Variants in GABRB1 observed in about 807,000 individuals in gnomAD.
GABRB1 encodes the protein gamma-aminobutyric acid receptor subunit beta-1.
A neutral mutation model predicts 51.6 loss-of-function variants in GABRB1; 17 were observed. The observed-to-expected ratio is 0.33, with a 90% CI of 0.23 to 0.49. The LOEUF is 0.49. Among genes scored for constraint, GABRB1 ranks in the 20% least tolerant of loss-of-function variants. The pLI is 0.99. For missense variants in GABRB1, 410 were observed against 600.6 expected (o/e 0.68, Z 3.32); for synonymous variants, 247 against 218.9 (o/e 1.13, Z -1.14).
intron 4 of GABRB1, among the ~76,000 whole-genome samples, chr4:47,207,976 G>A (rs1310042391): frequency 1.3e-5 from 2 of 151,918 alleles, no homozygotes; most frequent in African/African-American, 2.4e-5. Context: ...GTAAATCCAC[G>A]GATACACTTA....
At chr4:47,170,640 T>G (rs1307460116) in intron 4 of GABRB1, among the ~76,000 whole-genome samples, 1 of 152,170 alleles carries the variant, frequency 6.6e-6, no homozygotes, top group Non-Finnish European at 1.5e-5. Flanking sequence ...TGCGGTTGAT[T>G]GCAGGAAATA....
rs1001774991 is a variant in GABRB1 at position 47,269,462 on chromosome 4, A to G, written c.462-50665A>G. The stretch of plus-strand genomic sequence containing the variant: ...TTAGTCAAATTAATTCTGTAAAATC[A>G]TTTCACTTAGTTGCATCCAGTGATA... On this transcript the variant is annotated intron_variant, in intron 4 of 8. Coordinates refer to ENST00000295454, the MANE Select transcript of GABRB1 (RefSeq NM_000812.4). Among the ~76,000 whole-genome samples the G allele has an allele frequency of 2.6e-5, 4 of 152,060 alleles. No homozygotes were observed. The South Asian group carries it at 8.3e-4, about 31-fold the overall frequency.
rs62303734 is a variant in GABRB1, at chr4:46,995,507, T to G, written c.-20+1581T>G. 3.1e-3 allele frequency among the ~76,000 whole-genome samples: 476 copies of G among 152,226 alleles called. 1 individual carries two copies. The highest frequency in any genetic ancestry group is 6.0e-3 in the Non-Finnish European group (406 of 68,012). On this transcript the variant is annotated intron_variant, in intron 1 of 3. Coordinates refer to the GABRB1 transcript ENST00000513567. ...CTAAGTAGTTGGAAGTACAGGTATGTGTCACCATGCTCTGTTAATATATTT... is the reference window on the plus strand; with the variant it reads ...CTAAGTAGTTGGAAGTACAGGTATGGGTCACCATGCTCTGTTAATATATTT...
intron 5 of GABRB1, among the ~76,000 whole-genome samples, chr4:47,393,736 T>C (rs1728086340): frequency 6.6e-6 from 1 of 152,226 alleles, no homozygotes; most frequent in Non-Finnish European, 1.5e-5. Context: ...GCAGGCCTGC[T>C]CTACCCATCT....
intron 5 of GABRB1, among the ~76,000 whole-genome samples, chr4:47,400,424 T>C (rs1728335977): frequency 6.6e-6 from 1 of 152,172 alleles, no homozygotes; most frequent in Admixed American, 6.5e-5. Context: ...TTTTCTTGCA[T>C]ATTCTTTGGG....
At chr4:47,175,156 CTTCT>C (rs1271414341) in intron 4 of GABRB1, among the ~76,000 whole-genome samples, 1 of 144,298 alleles carries the variant, frequency 6.9e-6, no homozygotes, top group Non-Finnish European at 1.5e-5. Context: ...TCTCTCTTTT[CTTCT>C]TTCTTTATCT....
intron 8 of GABRB1, among the ~76,000 whole-genome samples, chr4:47,410,209 T>C (rs1728714135): frequency 6.6e-6 from 1 of 152,200 alleles, no homozygotes; most frequent in African/African-American, 2.4e-5. Context: ...GACTACGAAC[T>C]CCACAAATGA....
At chr4:47,402,873 G>A (rs924150097) in intron 5 of GABRB1, among the ~76,000 whole-genome samples, 14 of 152,018 alleles carry the variant, frequency 9.2e-5, no homozygotes, top group Non-Finnish European at 1.9e-4. Context: ...TATAAACTTG[G>A]TCTTTCATTA....
At chr4:47,016,110 T>G (rs1366170775) in intron 1 of GABRB1, among the ~76,000 whole-genome samples, 1 of 152,188 alleles carries the variant, frequency 6.6e-6, no homozygotes, top group Non-Finnish European at 1.5e-5. Context: ...ATATCAGTGC[T>G]AATTAAACAC....
At chr4:47,228,273 G>A (rs917826124) in intron 4 of GABRB1, among the ~76,000 whole-genome samples, 1 of 152,108 alleles carries the variant, frequency 6.6e-6, no homozygotes, top group African/African-American at 2.4e-5. Flanking sequence ...CTCCAGCTAT[G>A]AATCTGTGAA....
chr4:47,305,752 T>G (rs1001293295), intron 4 of GABRB1, among the ~76,000 whole-genome samples: 3 of 152,188 alleles, frequency 2.0e-5, no homozygotes, highest in Non-Finnish European at 4.4e-5. Context: ...CACCCAGTAT[T>G]AAATACCAAT....
intron 3 of GABRB1, among the ~76,000 whole-genome samples, chr4:47,130,347 G>C (rs1441235506): frequency 7.0e-6 from 1 of 143,520 alleles, no homozygotes; most frequent in African/African-American, 2.5e-5. Context: ...GTGTGTGTGT[G>C]TGTGTGTGTG....
chr4:47,249,721 G>T (rs1721908613), intron 4 of GABRB1, among the ~76,000 whole-genome samples: 1 of 152,074 alleles, frequency 6.6e-6, no homozygotes, highest in African/African-American at 2.4e-5. Flanking sequence ...TTAAAAGTTT[G>T]TTTTGTCTGA....
intron 4 of GABRB1, among the ~76,000 whole-genome samples, chr4:47,217,032 G>C (rs1051577048): frequency 1.3e-5 from 2 of 151,786 alleles, no homozygotes; most frequent in African/African-American, 2.4e-5. Flanking sequence ...AAATAAGCTA[G>C]ATCTATGTGC....
At chr4:47,211,221 A>G (rs951383864) in intron 4 of GABRB1, among the ~76,000 whole-genome samples, 4 of 152,062 alleles carry the variant, frequency 2.6e-5, no homozygotes. Context: ...ATCCTTATCT[A>G]CTCACTGTAG....
chr4:47,380,751 T>C (rs2081706741), intron 5 of GABRB1, among the ~76,000 whole-genome samples: 1 of 152,230 alleles, frequency 6.6e-6, no homozygotes, highest in African/African-American at 2.4e-5. Flanking sequence ...ATAGGCACAC[T>C]AGTTATTCAA....
At chr4:47,361,947 A>C (rs1726823342) in intron 5 of GABRB1, among the ~76,000 whole-genome samples, 2 of 152,128 alleles carry the variant, frequency 1.3e-5, no homozygotes, top group South Asian at 4.1e-4. Flanking sequence ...GGAAGTTATC[A>C]AGGCAGAGAG....
intron 4 of GABRB1, among the ~76,000 whole-genome samples, chr4:47,286,471 C>T (rs1578064182): frequency 1.3e-5 from 2 of 152,176 alleles, no homozygotes; most frequent in South Asian, 2.1e-4. Flanking sequence ...GCCTTCTCTA[C>T]CTTTCTACAT....
intron 5 of GABRB1, among the ~76,000 whole-genome samples, chr4:47,360,794 C>G (rs769868059): frequency 3.9e-5 from 6 of 151,940 alleles, no homozygotes; most frequent in Non-Finnish European, 7.4e-5. Flanking sequence ...GTCAAGAATC[C>G]ACATAATTAA....
Sources: allele counts gnomAD v4.1 joint callset (sites outside exome capture counted in the v4.1 genomes callset), GRCh38; gene constraint gnomAD v4.1.1; transcripts MANE v1.5; gene names NCBI Gene and HGNC (gene_info 2026-07-23, HGNC 2026-07-21).